Variants in INPP4B observed in about 807,000 individuals in gnomAD.
INPP4B encodes inositol polyphosphate-4-phosphatase type II B.
INPP4B carries 55 observed loss-of-function variants against 122.5 expected under a neutral mutation model. The ratio of observed to expected loss-of-function variants is 0.45; its 90% CI spans 0.36 to 0.56. INPP4B has a LOEUF of 0.56. Among genes scored for constraint, INPP4B ranks in the 20% least tolerant of loss-of-function variants. The pLI, the probability that INPP4B is intolerant of heterozygous loss-of-function variation, is 0.00. For synonymous variants in INPP4B, 403 were observed against 388.7 expected (o/e 1.04, Z -0.43); for missense variants, 1,000 against 1,097.7 (o/e 0.91, Z 1.26).
intron 15 of INPP4B, among the ~76,000 whole-genome samples, chr4:142,183,478 A>T (rs1220483553): frequency 2.0e-5 from 3 of 152,220 alleles, no homozygotes; most frequent in Non-Finnish European, 2.9e-5. Context: ...ACATTTTTTT[A>T]AAGTTTGAGA....
chr4:142,823,335 G>A (rs1781027943), intron 1 of INPP4B, among the ~76,000 whole-genome samples: 1 of 152,098 alleles, frequency 6.6e-6, no homozygotes, highest in African/African-American at 2.4e-5. Flanking sequence ...TCAAAAAGTA[G>A]AGTTTCTTCT....
intron 3 of INPP4B, among the ~76,000 whole-genome samples, chr4:142,456,102 T>C (rs576889609): frequency 1.3e-5 from 2 of 152,184 alleles, no homozygotes; most frequent in East Asian, 3.9e-4. Context: ...ATTCTGTGAA[T>C]TGTCTCTTCA....
At chr4:142,533,875 G>C (rs187637559) in intron 2 of INPP4B, among the ~76,000 whole-genome samples, 310 of 152,286 alleles carry the variant, frequency 2.0e-3, no homozygotes, top group African/African-American at 7.2e-3. Flanking sequence ...AACATGGTGG[G>C]ACTGCATTGA....
At chr4:142,384,039 G>C (rs748257725) in intron 7 of INPP4B, 3 of 701,024 alleles carry the variant, frequency 4.3e-6, no homozygotes, top group Non-Finnish European at 7.8e-6. Context: ...ACAGGTGACT[G>C]AGCAAGTTGT....
intron 25 of INPP4B, among the ~76,000 whole-genome samples, chr4:142,065,608 C>T (rs11930407): frequency 0.032 from 4,859 of 152,128 alleles, 287 homozygotes; most frequent in African/African-American, 0.11. Flanking sequence ...CAAAAGACCA[C>T]GAATTGTATA....
chr4:142,173,758 C>G lies in INPP4B; in HGVS notation c.1233G>C (p.Lys411Asn), dbSNP rs1161967698. The change falls in exon 16 of 26, where the codon AAG (lysine) becomes AAC (asparagine). Residue 411 changes from lysine to asparagine, a missense_variant. Lys to Asn is a moderately conservative substitution (Grantham distance 94). Coordinates refer to ENST00000262992, the MANE Select transcript of INPP4B (RefSeq NM_001101669.3). ...GTTGATTGATGTTGCTGAGAACTTC[C>G]TTTGCTTTGGCTGTGTTTTCAGGTG... ...YYSPENTAKA[K>N]EVLSNINQLQ... is the part of the protein sequence containing the mutation. 6.2e-7 allele frequency: 1 copy of G among 1,613,112 alleles called. No individual in the cohort carries two copies. The highest frequency in any genetic ancestry group is 2.2e-5 in the East Asian group (1 of 44,844).
rs757828894 is a variant in INPP4B at position 142,270,696 on chromosome 4, G to A, written c.582C>T (p.Ala194=). 16 of 1,612,644 alleles carry A rather than the reference G, an allele frequency of 9.9e-6. No individual in the cohort carries two copies. Among genetic ancestry groups the A allele is most frequent in the South Asian group, 3.3e-5 (3 of 91,046 alleles). Reference sequence around the variant, plus strand: ...CCTGTACATCTGTGGTGATGTGGTCGGCTTCCCCATCCTCAATCTCCCCCA... The same window carrying A: ...CCTGTACATCTGTGGTGATGTGGTCAGCTTCCCCATCCTCAATCTCCCCCA... The part of the protein sequence containing the change: ...VKMGEIEDGE[A]DHITTDVQGQ... The change falls in exon 10 of 26, where the codon GCC becomes GCT. Residue 194 remains alanine (A), a synonymous_variant. Coordinates refer to ENST00000262992, the MANE Select transcript of INPP4B (RefSeq NM_001101669.3).
chr4:142,197,094 C>CCAG (rs1299344237), intron 14 of INPP4B, among the ~76,000 whole-genome samples: 1 of 134,718 alleles, frequency 7.4e-6, no homozygotes, highest in Admixed American at 8.6e-5. Context: ...CCATTGCACT[C>CCAG]CAGCCTGGGC....
At chr4:142,248,291 C>T (rs1729970347) in intron 11 of INPP4B, among the ~76,000 whole-genome samples, 1 of 151,498 alleles carries the variant, frequency 6.6e-6, no homozygotes, top group Non-Finnish European at 1.5e-5. Context: ...GTTCCTCCCC[C>T]TCCTTTCCCT....
At chr4:142,070,614 A>C (rs930128034) in intron 25 of INPP4B, among the ~76,000 whole-genome samples, 4 of 152,212 alleles carry the variant, frequency 2.6e-5, no homozygotes, top group African/African-American at 7.2e-5. Context: ...AAATACCCTT[A>C]AGCTGATAAG....
In INPP4B at chr4:142,645,867, G is replaced by A. The variant is rs548473300; in HGVS notation, c.-191+79972C>T. ...TTGAGAAGTTAAGCAGCGACAAGGA[G>A]GAAGAAATAAGAAAAATGAAAGATC... On this transcript the variant is annotated intron_variant, in intron 2 of 25. Coordinates refer to ENST00000262992, the MANE Select transcript of INPP4B (RefSeq NM_001101669.3). Among the ~76,000 whole-genome samples the A allele has an allele frequency of 3.9e-5, 6 of 152,266 alleles. No homozygotes were observed. The East Asian group carries it at 1.2e-3, about 29-fold the overall frequency.
At chr4:142,701,239 A>T (rs78937889) in intron 2 of INPP4B, among the ~76,000 whole-genome samples, 1,736 of 152,220 alleles carry the variant, frequency 0.011, 30 homozygotes, top group African/African-American at 0.032. Flanking sequence ...AGAGGAGAGG[A>T]TATCCCACCC....
intron 2 of INPP4B, among the ~76,000 whole-genome samples, chr4:142,493,611 A>G (rs1031065472): frequency 6.6e-6 from 1 of 152,186 alleles, no homozygotes; most frequent in Non-Finnish European, 1.5e-5. Context: ...TGAAGCCTGT[A>G]GCCCCTTTGA....
intron 2 of INPP4B, among the ~76,000 whole-genome samples, chr4:142,600,778 A>G (rs1002434278): frequency 6.6e-6 from 1 of 152,196 alleles, no homozygotes. Flanking sequence ...GAATGATCCA[A>G]CTAGATGCTG....
intron 2 of INPP4B, among the ~76,000 whole-genome samples, chr4:142,501,496 G>C (rs1823370591): frequency 6.6e-6 from 1 of 151,986 alleles, no homozygotes; most frequent in Non-Finnish European, 1.5e-5. Context: ...CAGTGTCTTA[G>C]AAGATCAAGA....
At chr4:142,537,419 TATATATATATAGAGAGAGAG>T (rs1828353105) in intron 2 of INPP4B, among the ~76,000 whole-genome samples, 1 of 52,164 alleles carries the variant, frequency 1.9e-5, no homozygotes, top group Admixed American at 2.2e-4. Context: ...TATATATATA[TATATATATATAGAGAGAGAG>T]AGAGAGAGAG....
intron 3 of INPP4B, among the ~76,000 whole-genome samples, chr4:142,434,951 G>T (rs959170003): frequency 6.6e-6 from 1 of 152,062 alleles, no homozygotes; most frequent in Non-Finnish European, 1.5e-5. Flanking sequence ...AATTTGTGTT[G>T]GGCCACATTC....
chr4:142,263,440 C>G (rs1219222038), intron 10 of INPP4B, among the ~76,000 whole-genome samples: 2 of 151,730 alleles, frequency 1.3e-5, no homozygotes, highest in Admixed American at 6.6e-5. Context: ...TTATACGCAG[C>G]CACATATTCT....
intron 2 of INPP4B, among the ~76,000 whole-genome samples, chr4:142,593,808 C>A: frequency 6.6e-6 from 1 of 151,492 alleles, no homozygotes; most frequent in African/African-American, 2.4e-5. Flanking sequence ...TCAAAGAATC[C>A]CTTCACTCTA....
Sources: allele counts gnomAD v4.1 joint callset (sites outside exome capture counted in the v4.1 genomes callset), GRCh38; gene constraint gnomAD v4.1.1; transcripts MANE v1.5; gene names NCBI Gene and HGNC (gene_info 2026-07-23, HGNC 2026-07-21).